Variants in TAOK1 observed in about 807,000 individuals in gnomAD.
TAOK1 encodes the protein TAO kinase 1.
TAOK1 carries 21 observed loss-of-function variants against 138.3 expected under a neutral mutation model. The observed-to-expected ratio is 0.15, with a 90% CI of 0.11 to 0.22. The LOEUF (loss-of-function observed/expected upper bound fraction) is 0.22. Among genes scored for constraint, TAOK1 ranks in the 10% least tolerant of loss-of-function variants. The probability of loss-of-function intolerance (pLI) is 1.00; values close to 1 mark genes in which losing one functional copy is unlikely to be tolerated. For missense variants in TAOK1, 651 were observed against 1,227.7 expected, an observed-to-expected ratio of 0.53 and a Z score of 7.02; for synonymous variants, 361 against 398.4, an observed-to-expected ratio of 0.91 and a Z score of 1.12.
rs1904406423 is a variant in TAOK1 at position 29,391,022 on chromosome 17, A to G, written c.-97A>G. The G allele has an allele frequency of 6.6e-6, 1 of 150,828 alleles. No individual in the cohort carries two copies. The highest frequency in any genetic ancestry group is 6.6e-5 in the Admixed American group (1 of 15,180). 9.3% of individuals were successfully genotyped at this position (150,828 alleles called of 1,614,324 possible). ...GCTCCGCCCCAGACCTGTCGGCGAA[A>G]GGGTAAGGGCACCTCTGCTTTGGGA... is the stretch of plus-strand genomic sequence containing the variant. On this transcript the variant is annotated splice_region_variant and 5_prime_UTR_variant, in exon 1 of 20. Coordinates refer to ENST00000261716, the MANE Select transcript of TAOK1 (RefSeq NM_020791.4).
In TAOK1 at chr17:29,517,555, C is replaced by T; in HGVS notation, c.1807C>T (p.Leu603Phe). 2 of 1,613,950 alleles carry T rather than the reference C, an allele frequency of 1.2e-6. No homozygotes were observed. The highest frequency in any genetic ancestry group is 1.7e-6 in the Non-Finnish European group (2 of 1,180,004). ...TTTCCAAGCAGAAGAAGAAGCTAAC[C>T]TTCTTCGACGTCAAAGACAATACCT... ...QHFQAEEEAN[L>F]LRRQRQYLEL... is the part of the protein sequence containing the mutation. The change falls in exon 16 of 20, where the codon CTT becomes TTT. Residue 603 changes from leucine (L) to phenylalanine (F), a missense_variant. By Grantham distance (22) the Leu-to-Phe change is conservative (BLOSUM62 0). This residue lies in a region of TAOK1 where 258 missense variants were observed against 548.9 expected (regional missense o/e 0.47). Coordinates refer to ENST00000261716, the MANE Select transcript of TAOK1 (RefSeq NM_020791.4).
intron 9 of TAOK1, among the ~76,000 whole-genome samples, chr17:29,490,975 C>A (rs1598504313): frequency 6.6e-6 from 1 of 152,164 alleles, no homozygotes; most frequent in African/African-American, 2.4e-5. Context: ...TAGGCCCCAC[C>A]TCCCAACACT....
chr17:29,439,112 T>G (rs1277012792), intron 1 of TAOK1, among the ~76,000 whole-genome samples: 1 of 152,088 alleles, frequency 6.6e-6, no homozygotes, highest in Admixed American at 6.6e-5. Context: ...CACAATATAA[T>G]TGTGATAGGA....
chr17:29,432,561 A>C (rs577961209), intron 1 of TAOK1, among the ~76,000 whole-genome samples: 1 of 152,248 alleles, frequency 6.6e-6, no homozygotes, highest in African/African-American at 2.4e-5. Context: ...CAAACTCCTG[A>C]CCTCGTGATC....
chr17:29,397,599 T>TCCCCC (rs369574423), intron 1 of TAOK1, among the ~76,000 whole-genome samples: 17 of 57,600 alleles, frequency 3.0e-4, no homozygotes, highest in East Asian at 4.7e-3. Flanking sequence ...TGAGATTCCG[T>TCCCCC]CCCCCCCCAA....
intron 1 of TAOK1, among the ~76,000 whole-genome samples, chr17:29,407,079 A>G (rs957656080): frequency 2.6e-5 from 4 of 152,110 alleles, no homozygotes; most frequent in African/African-American, 7.2e-5. Flanking sequence ...TAGTGGTGCC[A>G]TCATAGCTCA....
At chr17:29,465,292 T>C (rs144496668) in intron 2 of TAOK1, among the ~76,000 whole-genome samples, 229 of 151,446 alleles carry the variant, frequency 1.5e-3, no homozygotes, top group African/African-American at 5.1e-3. Flanking sequence ...TAGCTGGGAT[T>C]ACAGACGTGC....
chr17:29,430,165 T>A (rs1905779735), intron 1 of TAOK1, among the ~76,000 whole-genome samples: 2 of 152,114 alleles, frequency 1.3e-5, no homozygotes, highest in African/African-American at 2.4e-5. Context: ...AAAGAAAGAA[T>A]GAAGTAACAA....
Position 29,412,562 on chromosome 17 carries a change from T to C in TAOK1, c.-95+21538T>C, listed in dbSNP as rs148503344. 5.8e-3 allele frequency among the ~76,000 whole-genome samples: 889 copies of C among 152,278 alleles called. 7 individuals carry two copies. Among genetic ancestry groups the C allele is most frequent in the Middle Eastern group, 0.01 (3 of 294 alleles). On this transcript the variant is annotated intron_variant, in intron 1 of 19. Transcript: ENST00000261716. Reference sequence around the variant, plus strand: ...CAGTTTAGTACTTAATGAGATATTTTCCTTTTTTTGTAAGTACTTAATTGT... The same window carrying C: ...CAGTTTAGTACTTAATGAGATATTTCCCTTTTTTTGTAAGTACTTAATTGT...
At chr17:29,541,330 G>A (rs1371132782) in intron 19 of TAOK1, among the ~76,000 whole-genome samples, 1 of 147,602 alleles carries the variant, frequency 6.8e-6, no homozygotes, top group Non-Finnish European at 1.5e-5. Context: ...GGCTGGTCTC[G>A]AACTTCTGAC....
intron 2 of TAOK1, among the ~76,000 whole-genome samples, chr17:29,463,386 G>A (rs948611166): frequency 1.3e-5 from 2 of 152,008 alleles, no homozygotes; most frequent in South Asian, 2.1e-4. Context: ...CCTGGCCAAC[G>A]TGGCGAAACC....
At chr17:29,516,829 G>T (rs1567741504) in intron 15 of TAOK1, among the ~76,000 whole-genome samples, 1 of 151,224 alleles carries the variant, frequency 6.6e-6, no homozygotes, top group African/African-American at 2.4e-5. Context: ...GTTGTTGTTG[G>T]TTTTTTTGTT....
At chr17:29,509,099 T>A (rs1347356883) in intron 14 of TAOK1, among the ~76,000 whole-genome samples, 1 of 152,184 alleles carries the variant, frequency 6.6e-6, no homozygotes, top group Admixed American at 6.5e-5. Context: ...TTTGAAATAA[T>A]TTGATGAAAC....
intron 1 of TAOK1, among the ~76,000 whole-genome samples, chr17:29,428,538 C>G (rs1905720387): frequency 6.6e-6 from 1 of 152,104 alleles, no homozygotes; most frequent in Non-Finnish European, 1.5e-5. Flanking sequence ...GGCTCTGTTA[C>G]TTAGTAGCTA....
chr17:29,485,624 G>A (rs2031156421), intron 8 of TAOK1, among the ~76,000 whole-genome samples: 2 of 151,930 alleles, frequency 1.3e-5, no homozygotes, highest in Admixed American at 1.3e-4. Flanking sequence ...GAGTGATAGA[G>A]TGAGGCCCTT....
At chr17:29,475,023 C>T (rs2030912381) in intron 3 of TAOK1, among the ~76,000 whole-genome samples, 1 of 152,066 alleles carries the variant, frequency 6.6e-6, no homozygotes, top group Admixed American at 6.6e-5. Flanking sequence ...TCACTGCAAC[C>T]TCCACCTCCC....
At chr17:29,421,237 A>G (rs1008747277) in intron 1 of TAOK1, among the ~76,000 whole-genome samples, 4 of 152,146 alleles carry the variant, frequency 2.6e-5, no homozygotes, top group African/African-American at 9.7e-5. Context: ...CCGGTTATAC[A>G]TTTTTAGACT....
In TAOK1 at chr17:29,480,473, G is replaced by C; in HGVS notation, c.555G>C (p.Thr185=). 1.9e-6 allele frequency: 3 copies of C among 1,612,086 alleles called. No individual in the cohort carries two copies. Among genetic ancestry groups the C allele is most frequent in the Non-Finnish European group, 2.5e-6 (3 of 1,178,764 alleles). Residue 185 remains threonine, a synonymous_variant, in exon 7 of 20, where the codon ACG becomes ACC. Coordinates refer to ENST00000261716, the MANE Select transcript of TAOK1 (RefSeq NM_020791.4). The part of the protein sequence containing the change: ...MASPANSFVG[T]PYWMAPEVIL... Reference sequence around the variant, plus strand: ...CACCTGCCAATTCCTTTGTGGGAACGCCGTATTGGTAAGAATAGTTAAAGC... The same window carrying C: ...CACCTGCCAATTCCTTTGTGGGAACCCCGTATTGGTAAGAATAGTTAAAGC...
rs2030252984 is a variant in TAOK1, at chr17:29,452,082, G to C, written c.132+402G>C. The stretch of plus-strand genomic sequence containing the variant: ...AATACAAAACTTAGCCCGGTGTGGT[G>C]GTGCACACCTGTAGTTCCAGGTACT... On this transcript the variant is annotated intron_variant, in intron 2 of 19. Transcript: ENST00000261716. 2.0e-5 allele frequency among the ~76,000 whole-genome samples: 3 copies of C among 152,010 alleles called. 1 individual carries two copies. The highest frequency in any genetic ancestry group is 4.4e-5 in the Non-Finnish European group (3 of 68,002).
Sources: allele counts gnomAD v4.1 joint callset (sites outside exome capture counted in the v4.1 genomes callset), GRCh38; gene constraint gnomAD v4.1.1; regional missense constraint gnomAD v4.1.1; transcripts MANE v1.5; gene names NCBI Gene and HGNC (gene_info 2026-07-23, HGNC 2026-07-21).